CSMD1: variants seen among roughly 807,000 people sequenced by gnomAD.
CSMD1 encodes the protein CUB and sushi domain-containing protein 1.
Under a neutral mutation model 417.5 loss-of-function variants are expected in CSMD1, and 213 were observed. That is an observed-to-expected ratio of 0.51 (90% CI 0.46 to 0.57). The LOEUF (loss-of-function observed/expected upper bound fraction) is 0.57, where lower values mean the gene tolerates loss of function less well. Among genes scored for constraint, CSMD1 ranks in the 20% least tolerant of loss-of-function variants. The pLI, the probability that CSMD1 is intolerant of heterozygous loss-of-function variation, is 0.00. For synonymous variants in CSMD1, 2,862 were observed against 1,736.8 expected, an observed-to-expected ratio of 1.65 and a Z score of -16.11; for missense variants, 6,923 against 4,529.7, an observed-to-expected ratio of 1.53 and a Z score of -15.17.
At chr8:3,680,818 C>A (rs2469373) in intron 7 of CSMD1, among the ~76,000 whole-genome samples, 22,329 of 152,138 alleles carry the variant, frequency 0.15, 1,734 homozygotes, top group African/African-American at 0.2. Flanking sequence ...AACTCAGCAG[C>A]ACATCAAAAA....
chr8:4,500,552 C>T (rs1023509373), intron 2 of CSMD1, among the ~76,000 whole-genome samples: 1 of 151,954 alleles, frequency 6.6e-6, no homozygotes, highest in Non-Finnish European at 1.5e-5. Flanking sequence ...ATCTTGGGTG[C>T]CACAGACTGT....
At chr8:3,122,831 T>C (rs1817285964) in intron 41 of CSMD1, among the ~76,000 whole-genome samples, 1 of 152,124 alleles carries the variant, frequency 6.6e-6, no homozygotes, top group Non-Finnish European at 1.5e-5. Flanking sequence ...ATCAGCAGCG[T>C]GAAAATGGAC....
chr8:3,560,187 T>C (rs1683675312), intron 10 of CSMD1, among the ~76,000 whole-genome samples: 1 of 152,146 alleles, frequency 6.6e-6, no homozygotes, highest in South Asian at 2.1e-4. Context: ...GCCCTTGAAA[T>C]AATGGAATGC....
intron 3 of CSMD1, among the ~76,000 whole-genome samples, chr8:4,215,654 A>T (rs1178332642): frequency 6.6e-6 from 1 of 152,202 alleles, no homozygotes; most frequent in Non-Finnish European, 1.5e-5. Context: ...AATTGAAAAT[A>T]ATTTTAAATG....
intron 1 of CSMD1, among the ~76,000 whole-genome samples, chr8:4,916,395 T>C (rs561073204): frequency 3.3e-5 from 5 of 152,348 alleles, no homozygotes; most frequent in Admixed American, 1.3e-4. Context: ...TCAGAGTACA[T>C]TGGAACACAT....
chr8:3,830,137 A>G (rs929777950), intron 5 of CSMD1, among the ~76,000 whole-genome samples: 2 of 152,170 alleles, frequency 1.3e-5, no homozygotes, highest in Admixed American at 1.3e-4. Flanking sequence ...CTCTGATATC[A>G]TTTCATACTA....
At chr8:4,058,883 C>T (rs556823597) in intron 3 of CSMD1, among the ~76,000 whole-genome samples, 16 of 151,696 alleles carry the variant, frequency 1.1e-4, no homozygotes, top group Admixed American at 3.3e-4. Flanking sequence ...GACAGATCAA[C>T]GAGAGAGAAA....
intron 7 of CSMD1, among the ~76,000 whole-genome samples, chr8:3,680,264 G>C (rs1294810097): frequency 2.0e-5 from 3 of 152,060 alleles, no homozygotes; most frequent in East Asian, 1.9e-4. Context: ...TTTTTGAAAA[G>C]ATCAACAAAA....
chr8:3,593,011 C>G (rs752136620), intron 8 of CSMD1, among the ~76,000 whole-genome samples: 1 of 152,210 alleles, frequency 6.6e-6, no homozygotes, highest in African/African-American at 2.4e-5. Context: ...AACTCCTGGC[C>G]TGTGCTTGGA....
chr8:3,840,935 G>C lies in CSMD1; in HGVS notation c.819-86893C>G, dbSNP rs529238223. On this transcript the variant is annotated intron_variant, in intron 5 of 69. Transcript: ENST00000635120. ...TCGGTCAGGCTGGTCTCGAACTCCT[G>C]AACTCAGGTGATCCTCCTGCCTCGG... Among the ~76,000 whole-genome samples, 315 of 152,058 alleles carry C rather than the reference G, an allele frequency of 2.1e-3. 1 individual carries two copies. The highest frequency in any genetic ancestry group is 0.021 in the Middle Eastern group (6 of 292).
chr8:4,359,425 T>C (rs889750852), intron 3 of CSMD1, among the ~76,000 whole-genome samples: 9 of 152,360 alleles, frequency 5.9e-5, no homozygotes, highest in African/African-American at 2.2e-4. Context: ...TTTGTTTTTC[T>C]TCCTATTTTC....
intron 5 of CSMD1, among the ~76,000 whole-genome samples, chr8:3,836,084 T>C (rs1257650171): frequency 3.3e-5 from 5 of 152,158 alleles, no homozygotes; most frequent in Non-Finnish European, 2.9e-5. Context: ...CTTAATTATC[T>C]TTTTAAACTT....
intron 2 of CSMD1, among the ~76,000 whole-genome samples, chr8:4,574,079 T>G: frequency 6.6e-6 from 1 of 152,058 alleles, no homozygotes; most frequent in East Asian, 1.9e-4. Flanking sequence ...TGGGACCCAC[T>G]GAGCAAGACC....
intron 6 of CSMD1, among the ~76,000 whole-genome samples, chr8:3,729,436 A>T (rs190500008): frequency 6.6e-6 from 1 of 152,294 alleles, no homozygotes; most frequent in East Asian, 1.9e-4. Context: ...AGAGGGATAT[A>T]ATATCCGCCA....
At chr8:4,355,655 T>C (rs529182961) in intron 3 of CSMD1, among the ~76,000 whole-genome samples, 6 of 152,310 alleles carry the variant, frequency 3.9e-5, no homozygotes, top group African/African-American at 1.4e-4. Context: ...AAAGCAAGCA[T>C]GCTATAAAAC....
chr8:4,596,968 T>A (rs1000906112), intron 2 of CSMD1, among the ~76,000 whole-genome samples: 1 of 152,186 alleles, frequency 6.6e-6, no homozygotes, highest in Non-Finnish European at 1.5e-5. Flanking sequence ...GCCACCTCCA[T>A]GTTAGAAGTG....
chr8:4,047,868 A>T (rs1167849547), intron 3 of CSMD1, among the ~76,000 whole-genome samples: 4 of 152,184 alleles, frequency 2.6e-5, no homozygotes, highest in African/African-American at 9.7e-5. Context: ...CAGATCTAAT[A>T]ATAATATTTA....
chr8:3,990,743 G>T (rs1814679796), intron 5 of CSMD1, among the ~76,000 whole-genome samples: 1 of 152,162 alleles, frequency 6.6e-6, no homozygotes, highest in South Asian at 2.1e-4. Context: ...GCTTCTCAGA[G>T]TTGCAGGGGC....
intron 1 of CSMD1, among the ~76,000 whole-genome samples, chr8:4,854,230 T>A (rs192346904): frequency 6.6e-6 from 1 of 152,220 alleles, no homozygotes. Context: ...ATGATTTGGG[T>A]ATTTGCTCTC....
Sources: allele counts gnomAD v4.1 joint callset (sites outside exome capture counted in the v4.1 genomes callset), GRCh38; gene constraint gnomAD v4.1.1; transcripts MANE v1.5; gene names NCBI Gene and HGNC (gene_info 2026-07-23, HGNC 2026-07-21).